The following SANBR variants were observed in gnomAD, a reference collection of about 807,000 sequenced individuals.
SANBR encodes the protein SANT and BTB domain regulator of CSR.
SANBR carries 77 observed loss-of-function variants against 101.8 expected under a neutral mutation model. The observed-to-expected ratio is 0.76, with a 90% confidence interval of 0.63 to 0.91. The LOEUF is 0.91. SANBR is among the 40% of genes least tolerant of loss of function. SANBR has a pLI of 0.00. For synonymous variants in SANBR, 279 were observed against 274.7 expected, an observed-to-expected ratio of 1.02 and a Z score of -0.15; for missense variants, 875 against 853.0, an observed-to-expected ratio of 1.03 and a Z score of -0.32.
intron 20 of SANBR, among the ~76,000 whole-genome samples, chr2:61,120,355 C>T (rs1208840135): frequency 6.6e-6 from 1 of 152,158 alleles, no homozygotes; most frequent in Non-Finnish European, 1.5e-5. Context: ...CAAAAATTAG[C>T]TGGGCGTGGT....
At chr2:61,106,390 C>CAAAAAAAAAAA (rs11364653) in intron 13 of SANBR, among the ~76,000 whole-genome samples, 173 bp from the exon 14 acceptor site, 1 of 63,262 alleles carries the variant, frequency 1.6e-5, no homozygotes, top group Non-Finnish European at 2.8e-5. Context: ...GACTCCATCT[C>CAAAAAAAAAAA]AAAAAAAAAA....
At chr2:61,075,687 T>A (rs1681727120) in intron 5 of SANBR, among the ~76,000 whole-genome samples, 1 of 152,114 alleles carries the variant, frequency 6.6e-6, no homozygotes, top group Non-Finnish European at 1.5e-5. Context: ...GTCTTAGGAA[T>A]GCTTTTAACT....
At position 61,102,534 on chromosome 2, in the gene SANBR, A is replaced by C. The variant is rs551752936; in HGVS notation, c.1366-1319A>C. Among the ~76,000 whole-genome samples the C allele has an allele frequency of 2.6e-5, 4 of 151,882 alleles. 1 individual carries two copies. The highest frequency in any genetic ancestry group is 6.6e-5 in the Admixed American group (1 of 15,244). ...CAATACATATTTACCACAATGACTA[A>C]ATTTTTTTTTTTTTTGAGGTGGAGT... On this transcript the variant is annotated intron_variant, in intron 12 of 21. Transcript: ENST00000402291.
intron 14 of SANBR, among the ~76,000 whole-genome samples, chr2:61,108,058 T>C (rs886613080): frequency 2.0e-5 from 3 of 152,204 alleles, no homozygotes; most frequent in African/African-American, 7.2e-5. Flanking sequence ...TTAGTAATTT[T>C]CTTGTACGTG....
chr2:61,090,267 TTTG>T (rs1415527794), intron 10 of SANBR, among the ~76,000 whole-genome samples: 4 of 152,216 alleles, frequency 2.6e-5, no homozygotes, highest in African/African-American at 4.8e-5. Flanking sequence ...TAATTTTCTT[TTTG>T]TTGTTCTTTT....
intron 17 of SANBR, 143 bp from the exon 18 acceptor site, chr2:61,117,214 A>G: frequency 1.3e-6 from 1 of 756,722 alleles, no homozygotes; most frequent in Non-Finnish European, 2.3e-6. Context: ...TGGTTGGTGC[A>G]AGGTTTAAAT....
At chr2:61,071,927 C>G (rs1681495082) in intron 4 of SANBR, 135 bp downstream of exon 4, 1 of 599,466 alleles carries the variant, frequency 1.7e-6, no homozygotes, top group African/African-American at 2.0e-5. Flanking sequence ...ATATTTGTAT[C>G]TTCCTGAATT....
intron 16 of SANBR, among the ~76,000 whole-genome samples, chr2:61,110,908 A>G (rs1441922777): frequency 1.3e-5 from 2 of 152,170 alleles, no homozygotes; most frequent in Admixed American, 6.5e-5. Context: ...AGTGTCATAC[A>G]ACTTAGTGAA....
In SANBR at chr2:61,123,342, A is replaced by G. The variant is rs1170825781; in HGVS notation, c.*1180A>G. 1 of 976,688 alleles carries G rather than the reference A, an allele frequency of 1.0e-6. No individual in the cohort carries two copies. The highest frequency in any genetic ancestry group is 1.2e-6 in the Non-Finnish European group (1 of 822,004). The allele number at this position is 976,688 out of a possible 1,614,324, so 60.5% of individuals were successfully genotyped here. ...ACAAAAGAGCAATTTCCATTGAAAT[A>G]TTGAAGTGTTACACTCAGTTTACAC... On this transcript the variant is annotated 3_prime_UTR_variant, in exon 22 of 22. Coordinates refer to ENST00000402291, the MANE Select transcript of SANBR (RefSeq NM_001129993.3).
At chr2:61,135,264 T>G (rs542033215) in intron 21 of SANBR, among the ~76,000 whole-genome samples, 2 of 152,358 alleles carry the variant, frequency 1.3e-5, no homozygotes, top group South Asian at 2.1e-4. Context: ...TCAGAATTAG[T>G]ATATATCACG....
intron 10 of SANBR, chr2:61,088,885 G>C: frequency 4.3e-6 from 4 of 925,926 alleles, no homozygotes; most frequent in Non-Finnish European, 5.2e-6. Context: ...TAAGGAATGG[G>C]ATAACATCTT....
chr2:61,094,184 C>T (rs1444467883), intron 11 of SANBR: 4 of 421,832 alleles, frequency 9.5e-6, no homozygotes, highest in East Asian at 3.2e-4. Context: ...TTGTGAGTTT[C>T]GACAGTGCTT....
chr2:61,103,751 T>C, intron 12 of SANBR, 102 bp from the exon 13 acceptor site: 1 of 1,018,818 alleles, frequency 9.8e-7, no homozygotes, highest in Non-Finnish European at 1.4e-6. Context: ...TTATAAAATA[T>C]GTATATGACA....
intron 3 of SANBR, among the ~76,000 whole-genome samples, chr2:61,070,767 A>G (rs1044823093): frequency 6.8e-6 from 1 of 147,870 alleles, no homozygotes; most frequent in Non-Finnish European, 1.5e-5. Context: ...TATTATATAT[A>G]TATTTGTTGT....
intron 8 of SANBR, among the ~76,000 whole-genome samples, chr2:61,084,861 A>T (rs1232508590): frequency 3.3e-5 from 5 of 152,168 alleles, no homozygotes; most frequent in Non-Finnish European, 7.3e-5. Context: ...AGCTGGAAAG[A>T]AGTAGATGGA....
chr2:61,069,402 C>G (rs1350165428), intron 2 of SANBR, among the ~76,000 whole-genome samples: 1 of 152,172 alleles, frequency 6.6e-6, no homozygotes, highest in Non-Finnish European at 1.5e-5. Flanking sequence ...CCTTGGCTAG[C>G]AGGTAGTAGA....
At chr2:61,136,350 G>C (rs551623956) in intron 21 of SANBR, among the ~76,000 whole-genome samples, 1 of 151,168 alleles carries the variant, frequency 6.6e-6, no homozygotes, top group African/African-American at 2.4e-5. Flanking sequence ...TATAAGTGAT[G>C]GCAGCCAAGC....
At chr2:61,067,363 A>T (rs910858281) in intron 1 of SANBR, among the ~76,000 whole-genome samples, 5 of 152,208 alleles carry the variant, frequency 3.3e-5, no homozygotes, top group African/African-American at 1.2e-4. Flanking sequence ...TTTGGAAGTG[A>T]AGAGAAATGA....
At chr2:61,103,657 A>G (rs1039917653) in intron 12 of SANBR, among the ~76,000 whole-genome samples, 196 bp from the exon 13 acceptor site, 2 of 152,186 alleles carry the variant, frequency 1.3e-5, no homozygotes, top group African/African-American at 2.4e-5. Context: ...TTGTGATTAT[A>G]TGGGTATTCT....
Sources: allele counts gnomAD v4.1 joint callset (sites outside exome capture counted in the v4.1 genomes callset), GRCh38; gene constraint gnomAD v4.1.1; transcripts MANE v1.5; gene names NCBI Gene and HGNC (gene_info 2026-07-23, HGNC 2026-07-21).